PPARD: variants seen among roughly 807,000 people sequenced by gnomAD.
The protein encoded by PPARD is peroxisome proliferator-activated receptor delta.
A neutral mutation model predicts 39.5 loss-of-function variants in PPARD; 6 were observed. That is an observed-to-expected ratio of 0.15 (90% CI 0.08 to 0.30). PPARD has a LOEUF of 0.30. Among genes scored for constraint, PPARD ranks in the 10% least tolerant of loss-of-function variants. The pLI, the probability that PPARD is intolerant of heterozygous loss-of-function variation, is 1.00. For missense variants in PPARD, 397 were observed against 596.8 expected, an observed-to-expected ratio of 0.67 and a Z score of 3.49; for synonymous variants, 210 against 231.3, an observed-to-expected ratio of 0.91 and a Z score of 0.83.
chr6:35,359,594 T>A (rs1172458930), intron 2 of PPARD, among the ~76,000 whole-genome samples: 2 of 152,100 alleles, frequency 1.3e-5, no homozygotes, highest in African/African-American at 4.8e-5. Flanking sequence ...GCTGTTTCTT[T>A]CCATTTCACC....
intron 2 of PPARD, among the ~76,000 whole-genome samples, chr6:35,380,459 GTTTTTTTTTTTTGTTTGTTTTTTTTT>G (rs1370479444): frequency 1.0e-5 from 1 of 97,114 alleles, no homozygotes; most frequent in Non-Finnish European, 2.1e-5. Context: ...TTAACCTCGT[GTTTTTTTTTTTTGTTTGTTTTTTTTT>G]TTTTTTTTTT....
chr6:35,394,928 C>G (rs1764229842), intron 2 of PPARD, among the ~76,000 whole-genome samples: 1 of 152,144 alleles, frequency 6.6e-6, no homozygotes, highest in South Asian at 2.1e-4. Context: ...GGCACATGGT[C>G]ATTAGTCCCA....
chr6:35,406,363 G>A (rs563526661), intron 2 of PPARD, among the ~76,000 whole-genome samples: 5 of 152,320 alleles, frequency 3.3e-5, no homozygotes, highest in Admixed American at 2.6e-4. Flanking sequence ...AGGGGAGAGA[G>A]CCTAGGGGTC....
At position 35,396,345 on chromosome 6, in the gene PPARD, T is replaced by C. The variant is rs533323353; in HGVS notation, c.-101-14642T>C. Among the ~76,000 whole-genome samples, 119 of 151,208 alleles carry C rather than the reference T, an allele frequency of 7.9e-4. 1 individual carries two copies. The highest frequency in any genetic ancestry group is 3.4e-3 in the Middle Eastern group (1 of 292). ...TCAGCCTCCCGAGTAGCTGGGACTA[T>C]AGGCGCCCGCCACCACGCCTGGCCA... is the stretch of plus-strand genomic sequence containing the variant. On this transcript the variant is annotated intron_variant, in intron 2 of 7. Transcript: ENST00000360694.
intron 2 of PPARD, among the ~76,000 whole-genome samples, chr6:35,383,665 G>GCT (rs1763300129): frequency 7.4e-6 from 1 of 134,884 alleles, no homozygotes; most frequent in East Asian, 2.0e-4. Flanking sequence ...GATGTGGGGA[G>GCT]CGCCTCTGCC....
rs199574588 is a variant in PPARD at position 35,426,590 on chromosome 6, G to C, written c.*511G>C. On this transcript the variant is annotated 3_prime_UTR_variant, in exon 8 of 8. Coordinates refer to ENST00000360694, the MANE Select transcript of PPARD (RefSeq NM_006238.5). ...CTCCTGTCTTCAGAGCAAAAGACTTGAGCCATCCAAAGAAACACTAAGCTC... is the reference window on the plus strand; with the variant it reads ...CTCCTGTCTTCAGAGCAAAAGACTTCAGCCATCCAAAGAAACACTAAGCTC... The C allele has an allele frequency of 5.4e-5, 9 of 167,844 alleles. No individual in the cohort carries two copies. The highest frequency in any genetic ancestry group is 5.1e-4 in the Admixed American group (9 of 17,486). 10.4% of individuals were successfully genotyped at this position (167,844 alleles called of 1,614,324 possible).
intron 2 of PPARD, among the ~76,000 whole-genome samples, chr6:35,369,430 T>C (rs1762367196): frequency 1.3e-5 from 2 of 152,222 alleles, no homozygotes; most frequent in South Asian, 4.1e-4. Context: ...AGACATCTTA[T>C]AATCCATTAG....
Position 35,420,290 on chromosome 6 carries a change from T to G in PPARD, c.285+9T>G. ...CATGTGAGGGGTGCAAGGTACGGAC[T>G]GGGGGGAGCGGTGGCTGGCCACTGA... On this transcript the variant is annotated intron_variant, in intron 4 of 7. Transcript: ENST00000360694. 1 of 1,534,770 alleles carries G rather than the reference T, an allele frequency of 6.5e-7. No homozygotes were observed. Among genetic ancestry groups the G allele is most frequent in the Non-Finnish European group, 8.8e-7 (1 of 1,139,718 alleles).
chr6:35,362,840 C>T (rs1417871285), intron 2 of PPARD, among the ~76,000 whole-genome samples: 3 of 152,082 alleles, frequency 2.0e-5, no homozygotes, highest in African/African-American at 4.8e-5. Flanking sequence ...TCCACCCTGG[C>T]CCCACTCTTT....
rs9658176 is a variant in PPARD at position 35,427,170 on chromosome 6, C to T, written c.*1091C>T. ...CCAGGGCCAGGGCCTGGCCTCACAT[C>T]CCCCTGCTCCTTTCTCTAGCTGGCT... On this transcript the variant is annotated 3_prime_UTR_variant, in exon 8 of 8. Coordinates refer to ENST00000360694, the MANE Select transcript of PPARD (RefSeq NM_006238.5). The T allele has an allele frequency of 0.013, 2,101 of 156,600 alleles. 14 individuals are homozygous for T. The highest frequency in any genetic ancestry group is 0.036 in the Middle Eastern group (11 of 306). The allele number at this position is 156,600 out of a possible 1,614,324, so 9.7% of individuals were successfully genotyped here.
intron 2 of PPARD, among the ~76,000 whole-genome samples, chr6:35,369,547 A>G (rs1419640083): frequency 6.6e-6 from 1 of 152,188 alleles, no homozygotes; most frequent in Non-Finnish European, 1.5e-5. Flanking sequence ...ATTTCATATA[A>G]ATGGGATCAT....
intron 2 of PPARD, 149 bp downstream of exon 2, chr6:35,347,299 T>TACTATGCATAA: frequency 2.2e-6 from 2 of 918,254 alleles, no homozygotes; most frequent in Non-Finnish European, 3.3e-6. Context: ...CAGTTGCTTA[T>TACTATGCATAA]GCATAGTATA....
At position 35,363,916 on chromosome 6, in the gene PPARD, A is replaced by G. The variant is rs1762052894; in HGVS notation, c.-102+16766A>G. Among the ~76,000 whole-genome samples the G allele has an allele frequency of 7.3e-6, 1 of 136,202 alleles. No individual in the cohort carries two copies. Among genetic ancestry groups the G allele is most frequent in the South Asian group, 2.2e-4 (1 of 4,466 alleles). The allele number at this position is 136,202 out of a possible 152,430, so 89.4% of individuals were successfully genotyped here. A position where few individuals can be genotyped will look rare whatever the true frequency, so the allele number is the denominator to read the frequency against. Reference sequence around the variant, plus strand: ...TTTTTGTATATTAACTGTGTTTTATATATTATATTAAATTAATATATTTAT... The same window carrying G: ...TTTTTGTATATTAACTGTGTTTTATGTATTATATTAAATTAATATATTTAT... On this transcript the variant is annotated intron_variant, in intron 2 of 7. Transcript: ENST00000360694. The surrounding 1 kb of genome is among the most constrained non-coding windows in gnomAD (Gnocchi z 4.5).
At chr6:35,419,170 G>T (rs1765976705) in intron 3 of PPARD, among the ~76,000 whole-genome samples, 1 of 152,128 alleles carries the variant, frequency 6.6e-6, no homozygotes, top group Admixed American at 6.6e-5. Flanking sequence ...TTTTGGGGAG[G>T]TTGCTCAGTC....
intron 2 of PPARD, among the ~76,000 whole-genome samples, chr6:35,350,866 A>G (rs1761203237): frequency 6.6e-6 from 1 of 151,852 alleles, no homozygotes; most frequent in African/African-American, 2.4e-5. Flanking sequence ...ACCTCAGGTG[A>G]TCTGCCCACC....
intron 4 of PPARD, 40 bp downstream of exon 4, chr6:35,420,321 T>C: frequency 6.6e-7 from 1 of 1,520,536 alleles, no homozygotes; most frequent in Non-Finnish European, 8.8e-7. Flanking sequence ...ACTGAGGCTG[T>C]GGTCACATGG....
At chr6:35,400,582 C>T (rs1764640385) in intron 2 of PPARD, among the ~76,000 whole-genome samples, 1 of 152,038 alleles carries the variant, frequency 6.6e-6, no homozygotes, top group African/African-American at 2.4e-5. Flanking sequence ...GGTGGATAAC[C>T]TGAGCCCAGG....
Position 35,425,627 on chromosome 6 carries a change from A to G in PPARD, c.1079-205A>G, listed in dbSNP as rs2076166. On this transcript the variant is annotated intron_variant, in intron 7 of 7. Coordinates refer to ENST00000360694, the MANE Select transcript of PPARD (RefSeq NM_006238.5). The surrounding 1 kb of genome is among the most constrained non-coding windows in gnomAD (Gnocchi z 4.5). ...TTGCCTAATCGGGGGGGAGGTGGGG[A>G]CAAATTGGCAAAAAACAAAAGAAGT... is the stretch of plus-strand genomic sequence containing the variant. Among the ~76,000 whole-genome samples, 130,916 of 151,908 alleles carry G rather than the reference A, an allele frequency of 0.86. 56,594 individuals carry two copies. Among genetic ancestry groups the G allele is most frequent in the African/African-American group, 0.9 (37,325 of 41,380 alleles).
intron 3 of PPARD, among the ~76,000 whole-genome samples, chr6:35,419,595 C>T (rs550321535): frequency 1.9e-4 from 29 of 152,242 alleles, no homozygotes; most frequent in Non-Finnish European, 3.8e-4. Context: ...TTACAGCATC[C>T]CTGGAGTCTA....
Sources: allele counts gnomAD v4.1 joint callset (sites outside exome capture counted in the v4.1 genomes callset), GRCh38; gene constraint gnomAD v4.1.1; non-coding constraint Gnocchi (gnomAD v3.1); transcripts MANE v1.5; gene names NCBI Gene and HGNC (gene_info 2026-07-23, HGNC 2026-07-21).